Variants in MYO5A observed in about 807,000 individuals in gnomAD.
MYO5A encodes the protein unconventional myosin-Va.
MYO5A carries 98 observed loss-of-function variants against 249.7 expected under a neutral mutation model. That is an observed-to-expected ratio of 0.39 (90% CI 0.33 to 0.46). MYO5A has a LOEUF of 0.46. MYO5A is among the 20% of genes least tolerant of loss of function. The pLI is 0.98. For missense variants in MYO5A, 1,696 were observed against 2,308.8 expected, an observed-to-expected ratio of 0.73 and a Z score of 5.44; for synonymous variants, 778 against 810.6, an observed-to-expected ratio of 0.96 and a Z score of 0.68.
rs764380103 is a variant in MYO5A at position 52,379,822 on chromosome 15, C to T, written c.2099G>A (p.Arg700Gln). The change falls in exon 17 of 42, where the codon CGG becomes CAG. Residue 700 changes from arginine to glutamine, a missense_variant and splice_region_variant. Arg to Gln is a conservative substitution (Grantham distance 43). This residue lies in a region of MYO5A where 277 missense variants were observed against 422.4 expected (regional missense o/e 0.66). Transcript: ENST00000399233. The stretch of plus-strand genomic sequence containing the variant: ...TACATCTGAAAAATGCCAGGCTCAC[C>T]GTGAGGGGAAACCGGCCGCACTGAT... ...IRISAAGFPS[R>Q]WTYQEFFSRY... is the part of the protein sequence containing the mutation. 3.7e-6 allele frequency: 6 copies of T among 1,614,120 alleles called. No homozygotes were observed. The highest frequency in any genetic ancestry group is 4.2e-6 in the Non-Finnish European group (5 of 1,179,992).
chr15:52,433,250 G>C lies in MYO5A; in HGVS notation c.63C>G (p.Val21=), dbSNP rs183384520. The change falls in exon 2 of 42, where the codon GTC becomes GTG. Residue 21 remains valine (V), a synonymous_variant. Transcript: ENST00000399233. ...ARVWIPDPEE[V]WKSAELLKDY... ...CTTTGAGCAGCTCTGCTGACTTCCA[G>C]ACTTCCTCTGGATCAGGTATCCAAA... The C allele has an allele frequency of 6.2e-7, 1 of 1,613,690 alleles. No individual in the cohort carries two copies.
chr15:52,377,633 T>A (rs2141112578), intron 18 of MYO5A, among the ~76,000 whole-genome samples: 1 of 150,506 alleles, frequency 6.6e-6, no homozygotes, highest in South Asian at 2.1e-4. Context: ...TACAGTGCTG[T>A]AATCTCGGCT....
Position 52,495,930 on chromosome 15 carries a change from C to T in MYO5A, c.27+32850G>A, listed in dbSNP as rs370261557. On this transcript the variant is annotated intron_variant, in intron 1 of 41. Transcript: ENST00000399233. Reference sequence around the variant, plus strand: ...GGGAACATCACACCCCAGGGCCTGGCGTGGGGTGGGAGGCAGGGGGAGGGA... The same window carrying T: ...GGGAACATCACACCCCAGGGCCTGGTGTGGGGTGGGAGGCAGGGGGAGGGA... Among the ~76,000 whole-genome samples the T allele has an allele frequency of 2.6e-5, 4 of 151,710 alleles. No individual in the cohort carries two copies. In the South Asian group the frequency reaches 8.3e-4, roughly 32 times the overall value.
chr15:52,489,813 A>G (rs1041437642), intron 1 of MYO5A, among the ~76,000 whole-genome samples: 3 of 152,240 alleles, frequency 2.0e-5, no homozygotes, highest in Non-Finnish European at 4.4e-5. Context: ...CAACATAGTG[A>G]GACCTGTCTC....
At chr15:52,358,952 C>T (rs1261726298) in intron 25 of MYO5A, among the ~76,000 whole-genome samples, 1 of 152,018 alleles carries the variant, frequency 6.6e-6, no homozygotes, top group Non-Finnish European at 1.5e-5. Flanking sequence ...GTACAGAATC[C>T]CTGGATGGAA....
intron 1 of MYO5A, among the ~76,000 whole-genome samples, chr15:52,480,475 G>A (rs949196030): frequency 2.6e-5 from 4 of 152,170 alleles, no homozygotes; most frequent in Non-Finnish European, 5.9e-5. Context: ...AGAGCTCCAA[G>A]AACAAAGCTG....
intron 31 of MYO5A, among the ~76,000 whole-genome samples, chr15:52,342,012 C>A (rs62015999): frequency 0.49 from 73,645 of 151,778 alleles, 21,374 homozygotes; most frequent in Non-Finnish European, 0.63. Flanking sequence ...AATAACCACA[C>A]AGAGTGCCAA....
chr15:52,349,374 G>A (rs2039826634), intron 28 of MYO5A, among the ~76,000 whole-genome samples: 1 of 152,130 alleles, frequency 6.6e-6, no homozygotes, highest in Admixed American at 6.5e-5. Flanking sequence ...ACAGCCCTGG[G>A]GAGTCTGGAA....
intron 2 of MYO5A, among the ~76,000 whole-genome samples, chr15:52,430,807 T>A (rs1432404127): frequency 2.0e-5 from 3 of 152,088 alleles, no homozygotes; most frequent in Non-Finnish European, 4.4e-5. Flanking sequence ...AATGAATAAG[T>A]AATATAGCTA....
At chr15:52,486,493 C>T (rs1266432730) in intron 1 of MYO5A, among the ~76,000 whole-genome samples, 1 of 152,172 alleles carries the variant, frequency 6.6e-6, no homozygotes, top group African/African-American at 2.4e-5. Flanking sequence ...CTCAGAGAGG[C>T]TGTGTTTTTA....
intron 1 of MYO5A, among the ~76,000 whole-genome samples, chr15:52,519,715 T>G (rs117282868): frequency 6.6e-6 from 1 of 151,906 alleles, no homozygotes; most frequent in African/African-American, 2.4e-5. Flanking sequence ...TTAGTAACAT[T>G]TGCTTGCACA....
At chr15:52,475,140 A>T (rs1595752355) in intron 1 of MYO5A, among the ~76,000 whole-genome samples, 1 of 152,144 alleles carries the variant, frequency 6.6e-6, no homozygotes, top group Admixed American at 6.5e-5. Context: ...CCAGGAATTT[A>T]TCCATTTCTT....
intron 1 of MYO5A, among the ~76,000 whole-genome samples, chr15:52,468,986 A>G (rs2076405034): frequency 6.6e-6 from 1 of 152,238 alleles, no homozygotes; most frequent in African/African-American, 2.4e-5. Context: ...TAAAATATAC[A>G]TATCCTTGAA....
At chr15:52,499,844 T>C (rs2077116956) in intron 1 of MYO5A, among the ~76,000 whole-genome samples, 1 of 152,194 alleles carries the variant, frequency 6.6e-6, no homozygotes, top group East Asian at 1.9e-4. Flanking sequence ...TTTGGGTATA[T>C]TCCCAGAAGT....
intron 1 of MYO5A, among the ~76,000 whole-genome samples, chr15:52,480,409 A>G (rs2076691237): frequency 6.6e-6 from 1 of 152,218 alleles, no homozygotes; most frequent in African/African-American, 2.4e-5. Context: ...AAAATCTCAG[A>G]ATCAGAAGAG....
intron 1 of MYO5A, among the ~76,000 whole-genome samples, chr15:52,462,294 C>T (rs149098777): frequency 2.1e-3 from 318 of 151,630 alleles, no homozygotes; most frequent in Middle Eastern, 3.4e-3. Context: ...TGATCAAAAC[C>T]CACAATTTCT....
chr15:52,435,336 G>A (rs113212115), intron 1 of MYO5A, among the ~76,000 whole-genome samples: 7,448 of 149,662 alleles, frequency 0.05, 255 homozygotes, highest in East Asian at 0.18. Context: ...GAGTGCAGTG[G>A]CACGATCTCG....
intron 18 of MYO5A, among the ~76,000 whole-genome samples, chr15:52,378,708 A>G (rs1327181723): frequency 2.0e-5 from 3 of 151,994 alleles, no homozygotes; most frequent in African/African-American, 7.2e-5. Context: ...TCCATCTAGG[A>G]TAGTGTTAAC....
chr15:52,388,996 T>TA (rs963100735), intron 13 of MYO5A, among the ~76,000 whole-genome samples: 47 of 147,026 alleles, frequency 3.2e-4, no homozygotes, highest in Middle Eastern at 3.5e-3. Context: ...AACGAGTTAT[T>TA]AAAAAAAAAA....
Sources: allele counts gnomAD v4.1 joint callset (sites outside exome capture counted in the v4.1 genomes callset), GRCh38; gene constraint gnomAD v4.1.1; regional missense constraint gnomAD v4.1.1; transcripts MANE v1.5; gene names NCBI Gene and HGNC (gene_info 2026-07-23, HGNC 2026-07-21).